ADAMTSL1: variants seen among roughly 807,000 people sequenced by gnomAD.
The protein encoded by ADAMTSL1 is ADAMTS like 1, also known as ADAMTS-like protein 1.
ADAMTSL1 carries 126 observed loss-of-function variants against 201.8 expected under a neutral mutation model. The ratio of observed to expected loss-of-function variants is 0.62; its 90% CI spans 0.54 to 0.72. ADAMTSL1 has a LOEUF of 0.72. ADAMTSL1 is among the 30% of genes least tolerant of loss of function. ADAMTSL1 has a pLI of 0.00. For synonymous variants in ADAMTSL1, 1,121 were observed against 903.4 expected (o/e 1.24, Z -4.32); for missense variants, 2,679 against 2,277.8 (o/e 1.18, Z -3.59).
At chr9:18,904,676 C>A (rs7861383) in intron 26 of ADAMTSL1, among the ~76,000 whole-genome samples, 47,890 of 52,186 alleles carry the variant, frequency 0.92, 21,809 homozygotes, top group Middle Eastern at 0.96. Flanking sequence ...AAAAAAAGGT[C>A]CGTTTATGTG....
rs569972648 is a variant in ADAMTSL1 at position 18,584,454 on chromosome 9, A to G, written c.474+10188A>G. ...TCTCAGGTATGTCTTTATCAGCAGC[A>G]TGGAAACAGACTAATACATCGCTGA... On this transcript the variant is annotated intron_variant, in intron 4 of 28. Coordinates refer to ENST00000380548, the MANE Select transcript of ADAMTSL1 (RefSeq NM_001040272.6). Among the ~76,000 whole-genome samples the G allele has an allele frequency of 7.2e-4, 110 of 152,180 alleles. 1 individual carries two copies. The highest frequency in any genetic ancestry group is 1.7e-3 in the South Asian group (8 of 4,830).
chr9:18,508,194 GA>G (rs35153132), intron 2 of ADAMTSL1, among the ~76,000 whole-genome samples: 20,697 of 145,884 alleles, frequency 0.14, 1,620 homozygotes, highest in Non-Finnish European at 0.19. Flanking sequence ...AAAAAAAAAA[GA>G]AAAAAAAAAA....
chr9:18,624,959 A>T (rs899210153), intron 5 of ADAMTSL1, among the ~76,000 whole-genome samples: 4 of 152,216 alleles, frequency 2.6e-5, no homozygotes, highest in African/African-American at 9.6e-5. Flanking sequence ...AAAGCCCACC[A>T]TATGCATGCA....
In ADAMTSL1 at chr9:18,777,449, G is replaced by C; in HGVS notation, c.3220G>C (p.Glu1074Gln). 1 of 1,596,028 alleles carries C rather than the reference G, an allele frequency of 6.3e-7. No homozygotes were observed. The highest frequency in any genetic ancestry group is 8.5e-7 in the Non-Finnish European group (1 of 1,171,690). The change falls in exon 19 of 29, where the codon GAG becomes CAG. Residue 1074 changes from glutamate to glutamine, a missense_variant. Glu to Gln is a conservative substitution (Grantham distance 29). Coordinates refer to ENST00000380548, the MANE Select transcript of ADAMTSL1 (RefSeq NM_001040272.6). ...GCACCTGCCCTTCACCATGGTGACCGAGCAGCGGCGCCTGGACGACATCCT... is the reference window on the plus strand; with the variant it reads ...GCACCTGCCCTTCACCATGGTGACCCAGCAGCGGCGCCTGGACGACATCCT... The part of the protein sequence containing the change: ...LLHLPFTMVT[E>Q]QRRLDDILGN...
At chr9:18,182,002 A>T (rs1308185008) in intron 2 of ADAMTSL1, among the ~76,000 whole-genome samples, 2 of 152,092 alleles carry the variant, frequency 1.3e-5, no homozygotes. Context: ...CATGGATGAA[A>T]TTGGAAATCA....
At chr9:18,031,189 G>A (rs979148218) in intron 1 of ADAMTSL1, among the ~76,000 whole-genome samples, 14 of 152,088 alleles carry the variant, frequency 9.2e-5, no homozygotes, top group East Asian at 3.8e-4. Flanking sequence ...GGGAATTACC[G>A]CAATCCTTTA....
chr9:18,063,048 G>C (rs1233448629), intron 1 of ADAMTSL1, among the ~76,000 whole-genome samples: 2 of 152,158 alleles, frequency 1.3e-5, no homozygotes, highest in African/African-American at 4.8e-5. Flanking sequence ...AAAGTTTGTT[G>C]CCGGGTGTGG....
rs144396359 is a variant in ADAMTSL1, at chr9:17,980,657, G to A, written c.87+73735G>A. ...TGGGTCATGAGGGTAGAGCCTTCAG[G>A]AATGGTATTAGGACCCTTATCAAGA... On this transcript the variant is annotated intron_variant, in intron 1 of 29. Coordinates refer to the ADAMTSL1 transcript ENST00000680146. 1.2e-3 allele frequency among the ~76,000 whole-genome samples: 184 copies of A among 152,182 alleles called. 1 individual carries two copies. The highest frequency in any genetic ancestry group is 4.2e-3 in the African/African-American group (175 of 41,528).
chr9:17,948,340 C>T (rs141224642), intron 1 of ADAMTSL1, among the ~76,000 whole-genome samples: 2 of 152,314 alleles, frequency 1.3e-5, no homozygotes, highest in African/African-American at 4.8e-5. Flanking sequence ...ATGTGTGCTT[C>T]TCTGCATTTT....
intron 1 of ADAMTSL1, among the ~76,000 whole-genome samples, chr9:18,003,327 C>T (rs1009451533): frequency 2.0e-5 from 3 of 152,014 alleles, no homozygotes; most frequent in Non-Finnish European, 4.4e-5. Context: ...GGTTGTTCTA[C>T]AAGTACCTGC....
At chr9:18,867,818 G>A (rs1827636021) in intron 23 of ADAMTSL1, among the ~76,000 whole-genome samples, 1 of 151,896 alleles carries the variant, frequency 6.6e-6, no homozygotes, top group African/African-American at 2.4e-5. Flanking sequence ...AGTAGAGATG[G>A]GGTTTCACCA....
In ADAMTSL1 at chr9:18,826,008, G is replaced by C. The variant is rs995950625; in HGVS notation, c.3935-276G>C. ...TCTTTGTACTGGCCTCCCTCTTCCT[G>C]TCTCATCACTGTAAGTTTAAAAGGC... On this transcript the variant is annotated intron_variant, in intron 21 of 28. Coordinates refer to ENST00000380548, the MANE Select transcript of ADAMTSL1 (RefSeq NM_001040272.6). 11 of 578,930 alleles carry C rather than the reference G, an allele frequency of 1.9e-5. No individual in the cohort carries two copies. In the African/African-American group the frequency reaches 2.1e-4, roughly 11 times the overall value. 35.9% of individuals were successfully genotyped at this position (578,930 alleles called of 1,614,324 possible). A position where few individuals can be genotyped will look rare whatever the true frequency, so the allele number is the denominator to read the frequency against.
intron 2 of ADAMTSL1, among the ~76,000 whole-genome samples, chr9:18,231,076 C>T (rs1334620459): frequency 6.6e-6 from 1 of 152,162 alleles, no homozygotes; most frequent in Non-Finnish European, 1.5e-5. Context: ...CGTCCCAATA[C>T]CTCAGACCAG....
Position 18,071,965 on chromosome 9 carries a change from A to G in ADAMTSL1, c.88-91897A>G, listed in dbSNP as rs531410324. On this transcript the variant is annotated intron_variant, in intron 1 of 29. Coordinates refer to the ADAMTSL1 transcript ENST00000680146. ...AAAATACTCTGAGTTCTGTTTTAAT[A>G]TAGAACAAGCTTAATGGTTCCAAGC... 3.9e-5 allele frequency among the ~76,000 whole-genome samples: 6 copies of G among 152,310 alleles called. 1 individual carries two copies. In the South Asian group the frequency reaches 1.2e-3, roughly 32 times the overall value.
intron 1 of ADAMTSL1, among the ~76,000 whole-genome samples, chr9:18,124,079 T>TG (rs1825624379): frequency 1.5e-5 from 1 of 65,234 alleles, no homozygotes. Context: ...ATTTGCCAGT[T>TG]TTTTTTTTTT....
chr9:17,955,830 G>T (rs893800617), intron 1 of ADAMTSL1, among the ~76,000 whole-genome samples: 4 of 152,110 alleles, frequency 2.6e-5, no homozygotes, highest in Non-Finnish European at 5.9e-5. Context: ...AGCGTATATA[G>T]GGTTTCGTTC....
intron 16 of ADAMTSL1, among the ~76,000 whole-genome samples, chr9:18,759,947 C>T (rs1333602199): frequency 6.6e-6 from 1 of 152,112 alleles, no homozygotes; most frequent in Non-Finnish European, 1.5e-5. Flanking sequence ...TCTCTAGGCC[C>T]TAATTCAGTT....
chr9:17,939,328 C>A (rs1827138284), intron 1 of ADAMTSL1, among the ~76,000 whole-genome samples: 1 of 151,206 alleles, frequency 6.6e-6, no homozygotes. Context: ...CAACCACCAT[C>A]TAGTGTCCAG....
intron 11 of ADAMTSL1, chr9:18,680,995 T>C (rs1830439063): frequency 6.5e-6 from 1 of 153,286 alleles, no homozygotes; most frequent in Non-Finnish European, 1.5e-5. Context: ...AAATTAAAAT[T>C]GGAACGAAGT....
Sources: allele counts gnomAD v4.1 joint callset (sites outside exome capture counted in the v4.1 genomes callset), GRCh38; gene constraint gnomAD v4.1.1; transcripts MANE v1.5; gene names NCBI Gene and HGNC (gene_info 2026-07-23, HGNC 2026-07-21).